Variants in ARB2A observed in about 807,000 individuals in gnomAD.
ARB2A encodes ARB2 cotranscriptional regulator A.
chr5:93,997,880 A>G, the ARB2A span, among the ~76,000 whole-genome samples: 1 of 151,948 alleles, frequency 6.6e-6, no homozygotes, highest in African/African-American at 2.4e-5. Flanking sequence ...TGAATAAATT[A>G]ACTTCCAGAA....
the ARB2A span, among the ~76,000 whole-genome samples, chr5:93,791,512 A>T: frequency 6.6e-6 from 1 of 152,244 alleles, no homozygotes; most frequent in East Asian, 1.9e-4. Flanking sequence ...ATTTAAGAGC[A>T]AGCCTTAGCA....
At chr5:93,871,949 CTTT>C in the ARB2A span, among the ~76,000 whole-genome samples, 11 of 132,090 alleles carry the variant, frequency 8.3e-5, no homozygotes, top group Admixed American at 1.5e-4. Context: ...GGAATTTTTT[CTTT>C]TTTTTTTTTT....
chr5:94,048,332 C>T, the ARB2A span, among the ~76,000 whole-genome samples: 153 of 152,034 alleles, frequency 1.0e-3, no homozygotes, highest in African/African-American at 3.4e-3. Flanking sequence ...GTATTACAGG[C>T]GTGAGCCACC....
chr5:93,798,258 GCT>G, the ARB2A span, among the ~76,000 whole-genome samples: 1 of 152,006 alleles, frequency 6.6e-6, no homozygotes, highest in African/African-American at 2.4e-5. Context: ...GAAAAGCAAG[GCT>G]TCCCTAAGTC....
At chr5:94,065,897 A>G in the ARB2A span, among the ~76,000 whole-genome samples, 2 of 152,208 alleles carry the variant, frequency 1.3e-5, no homozygotes, top group African/African-American at 4.8e-5. Flanking sequence ...TTTACAGAAC[A>G]TTTCATCCAA....
At chr5:93,939,975 G>A in the ARB2A span, among the ~76,000 whole-genome samples, 360 of 151,910 alleles carry the variant, frequency 2.4e-3, 2 homozygotes, top group African/African-American at 8.3e-3. Context: ...TAAACTCAGA[G>A]TGTATACCTA....
the ARB2A span, among the ~76,000 whole-genome samples, chr5:93,871,957 T>C: frequency 1.3e-5 from 2 of 150,572 alleles, no homozygotes; most frequent in African/African-American, 2.4e-5. Context: ...TTCTTTTTTT[T>C]TTTTTTTTTG....
At chr5:93,693,946 T>C in the ARB2A span, among the ~76,000 whole-genome samples, 1 of 151,942 alleles carries the variant, frequency 6.6e-6, no homozygotes, top group African/African-American at 2.4e-5. Context: ...AAAAACCACA[T>C]GATTATCTCA....
the ARB2A span, among the ~76,000 whole-genome samples, chr5:93,935,761 T>A: frequency 1.3e-5 from 2 of 152,218 alleles, no homozygotes; most frequent in Non-Finnish European, 2.9e-5. Context: ...AAATAAAAGT[T>A]CATTTTATTC....
At chr5:93,716,361 T>C in the ARB2A span, among the ~76,000 whole-genome samples, 1 of 152,174 alleles carries the variant, frequency 6.6e-6, no homozygotes, top group Non-Finnish European at 1.5e-5. Flanking sequence ...ATAACATTTA[T>C]TACATCTTTA....
the ARB2A span, among the ~76,000 whole-genome samples, chr5:94,012,146 T>C: frequency 6.6e-6 from 1 of 152,060 alleles, no homozygotes; most frequent in Non-Finnish European, 1.5e-5. Flanking sequence ...CTCACGCCTG[T>C]AATCCCAACA....
the ARB2A span, among the ~76,000 whole-genome samples, chr5:93,814,905 A>G: frequency 3.9e-5 from 6 of 152,200 alleles, no homozygotes; most frequent in Non-Finnish European, 8.8e-5. Context: ...TGGTGTGATC[A>G]TAGCTCACTG....
the ARB2A span, among the ~76,000 whole-genome samples, chr5:93,647,699 T>C: frequency 2.0e-5 from 3 of 150,990 alleles, no homozygotes; most frequent in African/African-American, 7.3e-5. Context: ...AATTTTTGTA[T>C]TTTTAGTAGA....
the ARB2A span, among the ~76,000 whole-genome samples, chr5:94,078,860 A>T: frequency 6.6e-6 from 1 of 152,070 alleles, no homozygotes; most frequent in Non-Finnish European, 1.5e-5. Context: ...AATCATGAAA[A>T]TAAGAGCAGT....
chr5:93,705,609 ATGTGTGTG>A, the ARB2A span, among the ~76,000 whole-genome samples: 2,763 of 128,782 alleles, frequency 0.021, 65 homozygotes, highest in African/African-American at 0.058. Flanking sequence ...TTGGGAAAAA[ATGTGTGTG>A]TGTGTGTGTG....
the ARB2A span, among the ~76,000 whole-genome samples, chr5:94,105,594 C>A: frequency 1.3e-5 from 2 of 152,066 alleles, no homozygotes; most frequent in South Asian, 4.1e-4. Context: ...TCCTATCAAG[C>A]TACCAATGAC....
At chr5:93,768,123 C>T in the ARB2A span, among the ~76,000 whole-genome samples, 1 of 149,822 alleles carries the variant, frequency 6.7e-6, no homozygotes, top group South Asian at 2.1e-4. Context: ...CATATGTTCT[C>T]ACTGATATGT....
At chr5:93,809,680 T>C in the ARB2A span, among the ~76,000 whole-genome samples, 1 of 152,046 alleles carries the variant, frequency 6.6e-6, no homozygotes, top group Non-Finnish European at 1.5e-5. Context: ...GAAGTGCTTA[T>C]AATAAATCAG....
chr5:93,707,988 G>A, the ARB2A span, among the ~76,000 whole-genome samples: 449 of 152,208 alleles, frequency 2.9e-3, 2 homozygotes, highest in African/African-American at 0.01. Flanking sequence ...ATGTTTAAAC[G>A]TGTAAGAGTT....
Sources: allele counts gnomAD v4.1 joint callset (sites outside exome capture counted in the v4.1 genomes callset), GRCh38; gene constraint gnomAD v4.1.1; transcripts MANE v1.5; gene names NCBI Gene and HGNC (gene_info 2026-07-23, HGNC 2026-07-21).